The following SORL1 variants were observed in gnomAD, a reference collection of about 807,000 sequenced individuals.
SORL1 encodes the protein sortilin-related receptor.
SORL1 carries 127 observed loss-of-function variants against 273.7 expected under a neutral mutation model. That is an observed-to-expected ratio of 0.46 (90% CI 0.40 to 0.54). The LOEUF (loss-of-function observed/expected upper bound fraction) is 0.54, where lower values mean the gene tolerates loss of function less well. SORL1 is among the 20% of genes least tolerant of loss of function. The pLI is 0.00. For synonymous variants in SORL1, 1,031 were observed against 1,067.4 expected (o/e 0.97, Z 0.66); for missense variants, 2,494 against 2,846.1 (o/e 0.88, Z 2.81).
At chr11:121,515,707 A>G (rs951375578) in intron 8 of SORL1, among the ~76,000 whole-genome samples, 6 of 152,156 alleles carry the variant, frequency 3.9e-5, no homozygotes, top group Non-Finnish European at 8.8e-5. Flanking sequence ...GCTGGAGTGC[A>G]GTGGTGCAAT....
chr11:121,605,594 A>G, intron 35 of SORL1, 23 bp downstream of exon 35: 1 of 1,603,022 alleles, frequency 6.2e-7, no homozygotes, highest in Non-Finnish European at 8.5e-7. Context: ...GTTAATTTTT[A>G]TGGCATGGGT....
intron 41 of SORL1, among the ~76,000 whole-genome samples, chr11:121,617,914 A>G (rs1406683215): frequency 6.6e-6 from 1 of 152,160 alleles, no homozygotes; most frequent in African/African-American, 2.4e-5. Flanking sequence ...ACAAGTTTAG[A>G]GTTGAGCAGT....
chr11:121,522,869 C>G, intron 10 of SORL1, 47 bp from the exon 11 acceptor site: 2 of 1,530,906 alleles, frequency 1.3e-6, no homozygotes, highest in South Asian at 1.1e-5. Context: ...AGGTGATTAT[C>G]TGACATATTC....
At chr11:121,538,299 T>A (rs1007400092) in intron 12 of SORL1, among the ~76,000 whole-genome samples, 1 of 152,014 alleles carries the variant, frequency 6.6e-6, no homozygotes, top group Middle Eastern at 3.2e-3. Flanking sequence ...TTTCCATCAG[T>A]CCAGAAAATA....
In SORL1 at chr11:121,595,514, C is replaced by T. The variant is rs536292099; in HGVS notation, c.4370-109C>T. 1.6e-5 allele frequency: 16 copies of T among 983,544 alleles called. No individual in the cohort carries two copies. The African/African-American group carries it at 2.1e-4, about 13-fold the overall frequency. 60.9% of individuals were successfully genotyped at this position (983,544 alleles called of 1,614,324 possible). A position where few individuals can be genotyped will look rare whatever the true frequency, so the allele number is the denominator to read the frequency against. ...CGGAACTCGCATTTGTCTTCAGGTT[C>T]CCATTGTAATTTCTAAAGCACCGTA... On this transcript the variant is annotated intron_variant, in intron 31 of 47. Transcript: ENST00000260197. This position sits in a 1 kb window ranked among gnomAD's most constrained non-coding sequence, Gnocchi z 5.1.
chr11:121,489,553 TTTTTTC>T (rs1565313021), intron 4 of SORL1, among the ~76,000 whole-genome samples: 1 of 152,232 alleles, frequency 6.6e-6, no homozygotes, highest in African/African-American at 2.4e-5. Flanking sequence ...ATGTGTCAAT[TTTTTTC>T]TTTTTAAGGC....
intron 31 of SORL1, 92 bp downstream of exon 31, chr11:121,591,248 C>A: frequency 1.5e-6 from 2 of 1,367,844 alleles, no homozygotes; most frequent in Non-Finnish European, 1.0e-6. Flanking sequence ...AACCGGGCCC[C>A]ATGCCCTGCT....
At chr11:121,522,019 TG>T (rs1862046743) in intron 9 of SORL1, among the ~76,000 whole-genome samples, 1 of 152,246 alleles carries the variant, frequency 6.6e-6, no homozygotes, top group South Asian at 2.1e-4. Flanking sequence ...CTTGAAGCCT[TG>T]CCCTGTATAC....
At chr11:121,483,215 A>G (rs1861421709) in intron 3 of SORL1, among the ~76,000 whole-genome samples, 1 of 152,212 alleles carries the variant, frequency 6.6e-6, no homozygotes, top group Non-Finnish European at 1.5e-5. Flanking sequence ...CCTTCCAAGT[A>G]GCTGTGACTA....
chr11:121,615,466 T>C (rs1248560780), intron 41 of SORL1, among the ~76,000 whole-genome samples: 1 of 152,166 alleles, frequency 6.6e-6, no homozygotes. Context: ...ATATTTATAG[T>C]TGGTTCCATA....
chr11:121,595,981 G>A lies in SORL1; in HGVS notation c.4519+209G>A, dbSNP rs1055193584. ...ACCTTCTTTTTAATAAGTTGACTGC[G>A]TTTTAAATACCAGGAGCGTGTCCAA... On this transcript the variant is annotated intron_variant, in intron 32 of 47. Transcript: ENST00000260197. The surrounding 1 kb of genome is among the most constrained non-coding windows in gnomAD (Gnocchi z 5.1). Among the ~76,000 whole-genome samples, 5 of 152,220 alleles carry A rather than the reference G, an allele frequency of 3.3e-5. No homozygotes were observed. The highest frequency in any genetic ancestry group is 1.2e-4 in the African/African-American group (5 of 41,458).
chr11:121,473,384 G>A (rs1234399985), intron 2 of SORL1, among the ~76,000 whole-genome samples: 1 of 152,204 alleles, frequency 6.6e-6, no homozygotes, highest in Non-Finnish European at 1.5e-5. Flanking sequence ...TGAAGTTGAA[G>A]CCAGTGTGAT....
Position 121,627,510 on chromosome 11 carries a change from T to G in SORL1, c.6365-45T>G. The G allele has an allele frequency of 6.5e-7, 1 of 1,541,268 alleles. No individual in the cohort carries two copies. The highest frequency in any genetic ancestry group is 9.0e-7 in the Non-Finnish European group (1 of 1,114,334). Reference sequence around the variant, plus strand: ...CCTTGAGGAGTCATCTGGTCTGTTCTCCTGCCCTCAGGTGGGCTTATTGGT... The same window carrying G: ...CCTTGAGGAGTCATCTGGTCTGTTCGCCTGCCCTCAGGTGGGCTTATTGGT... On this transcript the variant is annotated intron_variant, in intron 46 of 47. Transcript: ENST00000260197. This position sits in a 1 kb window ranked among gnomAD's most constrained non-coding sequence, Gnocchi z 4.9.
intron 6 of SORL1, among the ~76,000 whole-genome samples, chr11:121,505,950 G>A (rs1031956940): frequency 6.6e-6 from 1 of 152,196 alleles, no homozygotes; most frequent in African/African-American, 2.4e-5. Flanking sequence ...TGTTCTATAA[G>A]TGTTTATTAA....
chr11:121,495,420 C>A (rs1190135027), intron 5 of SORL1, among the ~76,000 whole-genome samples: 1 of 151,690 alleles, frequency 6.6e-6, no homozygotes, highest in East Asian at 1.9e-4. Context: ...TTTTCTGTTT[C>A]TTATTTTCCT....
In SORL1 at chr11:121,596,246, T is replaced by G. The variant is rs74777795; in HGVS notation, c.4519+474T>G. 6.6e-6 allele frequency among the ~76,000 whole-genome samples: 1 copy of G among 152,292 alleles called. No homozygotes were observed. The highest frequency in any genetic ancestry group is 2.1e-4 in the South Asian group (1 of 4,822). On this transcript the variant is annotated intron_variant, in intron 32 of 47. Transcript: ENST00000260197. The surrounding 1 kb of genome is among the most constrained non-coding windows in gnomAD (Gnocchi z 4.3). ...AGGGTAATTATGGTTGGTGAGATAG[T>G]GTGCCGAGCCACATGGGGAATAATC...
chr11:121,482,843 G>A (rs1861413902), intron 3 of SORL1, among the ~76,000 whole-genome samples: 1 of 152,268 alleles, frequency 6.6e-6, no homozygotes, highest in Admixed American at 6.5e-5. Flanking sequence ...GAAGGGGAGA[G>A]AAGGTGCTAG....
chr11:121,578,809 C>T (rs1274493493), intron 25 of SORL1, among the ~76,000 whole-genome samples: 4 of 152,202 alleles, frequency 2.6e-5, no homozygotes, highest in Non-Finnish European at 4.4e-5. Flanking sequence ...TTCTTTCTGG[C>T]GCAGCCTCTG....
In SORL1 at chr11:121,622,250, G is replaced by A. The variant is rs201371681; in HGVS notation, c.6153G>A (p.Lys2051=). The change falls in exon 45 of 48, where the codon AAG becomes AAA. Residue 2051 remains lysine, a synonymous_variant. Coordinates refer to ENST00000260197, the MANE Select transcript of SORL1 (RefSeq NM_003105.6). ...LFWKSLALKE[K]HFNESRGYEI... is the part of the protein sequence containing the mutation. ...GGAAAAGCCTGGCTTTAAAGGAAAA[G>A]CATTTTAATGAAAGCAGGGTAAGTT... 6.9e-6 allele frequency: 11 copies of A among 1,603,694 alleles called. No homozygotes were observed. Among genetic ancestry groups the A allele is most frequent in the East Asian group, 6.7e-5 (3 of 44,830 alleles).
Sources: allele counts gnomAD v4.1 joint callset (sites outside exome capture counted in the v4.1 genomes callset), GRCh38; gene constraint gnomAD v4.1.1; non-coding constraint Gnocchi (gnomAD v3.1); transcripts MANE v1.5; gene names NCBI Gene and HGNC (gene_info 2026-07-23, HGNC 2026-07-21).